LRRC4C: variants seen among roughly 807,000 people sequenced by gnomAD.
LRRC4C encodes the protein leucine rich repeat containing 4C.
Under a neutral mutation model 33.6 loss-of-function variants are expected in LRRC4C, and 5 were observed. That is an observed-to-expected ratio of 0.15 (90% confidence interval 0.08 to 0.31). The LOEUF (loss-of-function observed/expected upper bound fraction) is 0.31. LRRC4C is among the 10% of genes least tolerant of loss of function. The pLI, the probability that LRRC4C is intolerant of heterozygous loss-of-function variation, is 1.00. For synonymous variants in LRRC4C, 329 were observed against 302.0 expected, an observed-to-expected ratio of 1.09 and a Z score of -0.93; for missense variants, 560 against 796.7, an observed-to-expected ratio of 0.70 and a Z score of 3.58.
At chr11:41,417,427 C>T (rs1022680070) in intron 1 of LRRC4C, among the ~76,000 whole-genome samples, 4 of 151,980 alleles carry the variant, frequency 2.6e-5, no homozygotes, top group Non-Finnish European at 5.9e-5. Flanking sequence ...CAGAGAGGTG[C>T]TTGAATGCTT....
At chr11:40,954,365 G>A (rs576155134) in intron 1 of LRRC4C, among the ~76,000 whole-genome samples, 53 of 151,870 alleles carry the variant, frequency 3.5e-4, no homozygotes, top group African/African-American at 1.3e-3. Flanking sequence ...AAAAGACTTG[G>A]AAATTCATAA....
At chr11:41,438,002 C>T (rs1955489448) in intron 1 of LRRC4C, among the ~76,000 whole-genome samples, 1 of 151,526 alleles carries the variant, frequency 6.6e-6, no homozygotes, top group Non-Finnish European at 1.5e-5. Context: ...CACACTGTCA[C>T]ACTCCAGCCT....
At chr11:41,247,688 T>C (rs1228981428) in intron 1 of LRRC4C, among the ~76,000 whole-genome samples, 2 of 152,220 alleles carry the variant, frequency 1.3e-5, no homozygotes, top group South Asian at 4.1e-4. Context: ...AACATTTGTC[T>C]GCATTTCAGT....
At chr11:40,848,498 G>A (rs2135720025) in intron 2 of LRRC4C, among the ~76,000 whole-genome samples, 1 of 152,244 alleles carries the variant, frequency 6.6e-6, no homozygotes, top group African/African-American at 2.4e-5. Flanking sequence ...ATTGCACTGA[G>A]GTCTGAGAGT....
intron 2 of LRRC4C, among the ~76,000 whole-genome samples, chr11:40,728,807 A>T (rs1947418809): frequency 6.6e-6 from 1 of 152,170 alleles, no homozygotes; most frequent in African/African-American, 2.4e-5. Flanking sequence ...AGCCATAAAA[A>T]TGAATGAAAA....
chr11:40,791,673 G>A (rs1950627010), intron 2 of LRRC4C, among the ~76,000 whole-genome samples: 1 of 152,154 alleles, frequency 6.6e-6, no homozygotes, highest in Admixed American at 6.5e-5. Context: ...TGAAATCCAT[G>A]TGCCAATTCA....
intron 3 of LRRC4C, among the ~76,000 whole-genome samples, chr11:40,533,332 T>G (rs916125506): frequency 1.3e-5 from 2 of 152,164 alleles, no homozygotes; most frequent in African/African-American, 4.8e-5. Flanking sequence ...TTCCCTGAAT[T>G]TGGGGACTGG....
intron 4 of LRRC4C, among the ~76,000 whole-genome samples, chr11:40,291,275 C>T (rs911035171): frequency 2.6e-5 from 4 of 152,114 alleles, no homozygotes; most frequent in Non-Finnish European, 5.9e-5. Context: ...CATTTTCCAC[C>T]TTCTGCTTTA....
chr11:40,965,081 T>C (rs1037667051), intron 1 of LRRC4C, among the ~76,000 whole-genome samples: 18 of 152,120 alleles, frequency 1.2e-4, no homozygotes, highest in African/African-American at 4.3e-4. Flanking sequence ...TGTGAGATGG[T>C]ATCTCATTGT....
At position 40,399,234 on chromosome 11, in the gene LRRC4C, G is replaced by GT. The variant is rs1949664159; in HGVS notation, c.-269-79514dup. On this transcript the variant is annotated intron_variant, in intron 3 of 6. Transcript: ENST00000528697. ...TGCTGCTATAAAGACACATGCACAC[G>GT]TATGTTTATTGTGGCACTATTCACA... 2.0e-5 allele frequency among the ~76,000 whole-genome samples: 3 copies of GT among 152,114 alleles called. No homozygotes were observed. In the South Asian group the frequency reaches 6.2e-4, roughly 32 times the overall value.
At chr11:40,785,297 C>T (rs1197057611) in intron 2 of LRRC4C, among the ~76,000 whole-genome samples, 1 of 152,134 alleles carries the variant, frequency 6.6e-6, no homozygotes, top group East Asian at 1.9e-4. Flanking sequence ...TCTATAGTTA[C>T]AGCATGTCCT....
intron 2 of LRRC4C, among the ~76,000 whole-genome samples, chr11:40,849,634 G>A (rs759152771): frequency 4.6e-5 from 7 of 151,818 alleles, no homozygotes; most frequent in East Asian, 1.9e-4. Context: ...TGCTCTTCTC[G>A]AGGAGTATCT....
chr11:40,963,922 TG>T (rs1851144816), intron 1 of LRRC4C, among the ~76,000 whole-genome samples: 1 of 151,804 alleles, frequency 6.6e-6, no homozygotes, highest in Non-Finnish European at 1.5e-5. Context: ...TGCCAATATT[TG>T]GGCAATCTTT....
intron 3 of LRRC4C, among the ~76,000 whole-genome samples, chr11:40,352,023 G>A (rs1481258346): frequency 6.6e-6 from 1 of 151,852 alleles, no homozygotes; most frequent in Non-Finnish European, 1.5e-5. Flanking sequence ...TACACTCAAT[G>A]TTATTATTGA....
At chr11:40,493,390 T>C (rs946428854) in intron 3 of LRRC4C, among the ~76,000 whole-genome samples, 1 of 152,142 alleles carries the variant, frequency 6.6e-6, no homozygotes, top group Non-Finnish European at 1.5e-5. Context: ...TTTGATTCCA[T>C]TTCTGATATT....
chr11:40,454,721 G>A (rs1342885902), intron 3 of LRRC4C, among the ~76,000 whole-genome samples: 1 of 152,052 alleles, frequency 6.6e-6, no homozygotes, highest in Non-Finnish European at 1.5e-5. Flanking sequence ...CCTGCATTGG[G>A]GCTCAATGTA....
intron 2 of LRRC4C, among the ~76,000 whole-genome samples, chr11:40,849,979 C>T (rs902131746): frequency 6.6e-6 from 1 of 151,774 alleles, no homozygotes; most frequent in Admixed American, 6.6e-5. Flanking sequence ...TCAGCTCCAT[C>T]AGGTCATTTA....
chr11:40,274,925 C>A (rs1942990204), intron 4 of LRRC4C, among the ~76,000 whole-genome samples: 2 of 152,164 alleles, frequency 1.3e-5, no homozygotes, highest in Admixed American at 1.3e-4. Flanking sequence ...TCACTTGCAA[C>A]CACCTGCTCA....
At chr11:40,573,057 T>C (rs76870631) in intron 3 of LRRC4C, among the ~76,000 whole-genome samples, 3 of 152,182 alleles carry the variant, frequency 2.0e-5, no homozygotes, top group Non-Finnish European at 4.4e-5. Flanking sequence ...TTACTCAAGA[T>C]AAAATAAATT....
Sources: gnomAD v4.1 joint callset for allele counts (sites outside exome capture counted in the v4.1 genomes callset) on GRCh38, gnomAD v4.1.1 for gene constraint, MANE v1.5 for transcripts, NCBI Gene and HGNC (gene_info 2026-07-23, HGNC 2026-07-21) for gene names.